The following GDAP1 variants were observed in gnomAD, a reference collection of about 807,000 sequenced individuals.
The protein encoded by GDAP1 is ganglioside induced differentiation associated protein 1, also known as ganglioside-induced differentiation-associated protein 1.
A neutral mutation model predicts 40.1 loss-of-function variants in GDAP1; 34 were observed. The ratio of observed to expected loss-of-function variants is 0.85; its 90% confidence interval spans 0.64 to 1.13. The LOEUF is 1.13. Among genes scored for constraint, GDAP1 ranks in the 50% most tolerant of loss-of-function variants. The probability of loss-of-function intolerance (pLI) is 0.00; values close to 1 mark genes in which losing one functional copy is unlikely to be tolerated. For missense variants in GDAP1, 374 were observed against 433.7 expected, an observed-to-expected ratio of 0.86 and a Z score of 1.22; for synonymous variants, 170 against 157.4, an observed-to-expected ratio of 1.08 and a Z score of -0.60.
In GDAP1 at chr8:74,365,304, TAGAA is replaced by T. The variant is rs1346807737; in HGVS notation, c.*940_*943del. 1 of 453,998 alleles carries T rather than the reference TAGAA, an allele frequency of 2.2e-6. No homozygotes were observed. Among genetic ancestry groups the T allele is most frequent in the African/African-American group, 2.0e-5 (1 of 50,002 alleles). The allele number at this position is 453,998 out of a possible 1,614,324, so 28.1% of individuals were successfully genotyped here. On this transcript the variant is annotated 3_prime_UTR_variant, in exon 6 of 6. Transcript: ENST00000220822. ...TTTATGATCATCAACAAAGACTTGT[TAGAA>T]AGGTCTAGTCTTAGCACTTGGCAGT...
At chr8:74,457,951 T>C (rs1425217020) in intron 2 of GDAP1, among the ~76,000 whole-genome samples, 2 of 152,132 alleles carry the variant, frequency 1.3e-5, no homozygotes, top group African/African-American at 2.4e-5. Context: ...TTGGAAGTAG[T>C]GTACTACTTA....
chr8:74,424,996 C>T (rs1805929310), intron 2 of GDAP1, among the ~76,000 whole-genome samples: 1 of 152,194 alleles, frequency 6.6e-6, no homozygotes, highest in African/African-American at 2.4e-5. Context: ...TCAGCATCTA[C>T]TGACTTCTTG....
intron 2 of GDAP1, among the ~76,000 whole-genome samples, chr8:74,459,456 C>G (rs950368384): frequency 5.3e-5 from 8 of 152,106 alleles, no homozygotes; most frequent in Non-Finnish European, 8.8e-5. Flanking sequence ...TTCTATAGAT[C>G]TAGTGTTTTG....
In GDAP1 at chr8:74,435,882, C is replaced by T. The variant is rs146319150; in HGVS notation, c.166-52796C>T. On this transcript the variant is annotated intron_variant, in intron 2 of 2. Coordinates refer to the GDAP1 transcript ENST00000523640. ...TGAGAGGTGCTAGTGGGTTATGAGA[C>T]CAATGGGAGAAAGTACTCCAACTTG... Among the ~76,000 whole-genome samples, 769 of 152,190 alleles carry T rather than the reference C, an allele frequency of 5.1e-3. 6 individuals are homozygous for T. Among genetic ancestry groups the T allele is most frequent in the African/African-American group, 0.018 (737 of 41,530 alleles).
intron 2 of GDAP1, among the ~76,000 whole-genome samples, chr8:74,381,255 A>C (rs1177867637): frequency 1.3e-5 from 2 of 152,174 alleles, no homozygotes; most frequent in Non-Finnish European, 2.9e-5. Context: ...ACATGTACAG[A>C]GATACATGAA....
chr8:74,350,518 G>T lies in GDAP1; in HGVS notation c.57G>T (p.Lys19Asn). 1 of 1,613,882 alleles carries T rather than the reference G, an allele frequency of 6.2e-7. No homozygotes were observed. The highest frequency in any genetic ancestry group is 1.3e-5 in the African/African-American group (1 of 75,080). Residue 19 changes from lysine to asparagine, a missense_variant, in exon 1 of 6, where the codon AAG (lysine) becomes AAT (asparagine). Physicochemically the swap from Lys to Asn is moderately conservative, Grantham distance 94 (BLOSUM62 0). Transcript: ENST00000220822. ...GCCCGCCCTTGAGGGCGGAAGGCAAGGCCGACGCGGAGGTTAAGCTCATTC... is the reference window on the plus strand; with the variant it reads ...GCCCGCCCTTGAGGGCGGAAGGCAATGCCGACGCGGAGGTTAAGCTCATTC... The part of the protein sequence containing the change: ...RGSPPLRAEG[K>N]ADAEVKLILY...
chr8:74,377,533 A>G (rs927509265), intron 2 of GDAP1, among the ~76,000 whole-genome samples: 1 of 152,220 alleles, frequency 6.6e-6, no homozygotes, highest in Non-Finnish European at 1.5e-5. Context: ...GAAACTATTA[A>G]TATACAGTCT....
At chr8:74,432,256 A>G (rs1318232164) in intron 2 of GDAP1, among the ~76,000 whole-genome samples, 1 of 152,122 alleles carries the variant, frequency 6.6e-6, no homozygotes, top group Admixed American at 6.6e-5. Flanking sequence ...CCATTCCTCA[A>G]GGTATTTTAC....
Position 74,366,119 on chromosome 8 carries a change from C to T in GDAP1, c.*1752C>T, listed in dbSNP as rs946032681. Reference sequence around the variant, plus strand: ...AGAAGTCCATGGTTAACTTTTCCTTCAATTTATATTATTCCTGAATCATAG... The same window carrying T: ...AGAAGTCCATGGTTAACTTTTCCTTTAATTTATATTATTCCTGAATCATAG... On this transcript the variant is annotated 3_prime_UTR_variant, in exon 6 of 6. Coordinates refer to ENST00000220822, the MANE Select transcript of GDAP1 (RefSeq NM_018972.4). 2.3e-6 allele frequency: 1 copy of T among 444,266 alleles called. No homozygotes were observed. Among genetic ancestry groups the T allele is most frequent in the African/African-American group, 2.0e-5 (1 of 49,240 alleles). 27.5% of individuals were successfully genotyped at this position (444,266 alleles called of 1,614,324 possible).
chr8:74,414,719 A>T lies in GDAP1; in HGVS notation c.165+63398A>T, dbSNP rs541954292. ...TACCAAAAGGTCTAACACTGATGTC[A>T]TCAGAGTCTCAGAATGAGGATAAAG... On this transcript the variant is annotated intron_variant, in intron 2 of 2. Coordinates refer to the GDAP1 transcript ENST00000523640. 1.5e-3 allele frequency among the ~76,000 whole-genome samples: 231 copies of T among 150,202 alleles called. 5 individuals are homozygous for T. The highest frequency in any genetic ancestry group is 0.01 in the South Asian group (50 of 4,824).
intron 3 of GDAP1, 29 bp from the exon 4 acceptor site, chr8:74,361,855 T>G: frequency 7.9e-7 from 1 of 1,259,240 alleles, no homozygotes; most frequent in Non-Finnish European, 1.2e-6. Context: ...GAAAATAATT[T>G]TCTGTTTCCA....
At chr8:74,447,457 C>T (rs1237547044) in intron 2 of GDAP1, among the ~76,000 whole-genome samples, 3 of 151,966 alleles carry the variant, frequency 2.0e-5, no homozygotes, top group South Asian at 2.1e-4. Context: ...GCTTCAGAAT[C>T]GGAAACTTTT....
Position 74,404,267 on chromosome 8 carries a change from A to G in GDAP1, c.165+52946A>G, listed in dbSNP as rs572914235. Among the ~76,000 whole-genome samples, 38 of 149,474 alleles carry G rather than the reference A, an allele frequency of 2.5e-4. 1 individual carries two copies. Among genetic ancestry groups the G allele is most frequent in the Non-Finnish European group, 4.1e-4 (28 of 67,996 alleles). The stretch of plus-strand genomic sequence containing the variant: ...ATAGTATTAGGTTGGTGCAAAAGTA[A>G]TTGCAGTTTTGACTATTACTTTTAA... On this transcript the variant is annotated intron_variant, in intron 2 of 2. Transcript: ENST00000523640.
At chr8:74,394,851 G>A (rs1184340735) in intron 2 of GDAP1, among the ~76,000 whole-genome samples, 1 of 152,056 alleles carries the variant, frequency 6.6e-6, no homozygotes, top group Non-Finnish European at 1.5e-5. Context: ...ACCTGGAGAG[G>A]GCCATCATGG....
At chr8:74,411,362 T>C (rs1180269958) in intron 2 of GDAP1, among the ~76,000 whole-genome samples, 1 of 149,836 alleles carries the variant, frequency 6.7e-6, no homozygotes. Flanking sequence ...ATTTTGACTC[T>C]TGATTCTGTG....
In GDAP1 at chr8:74,364,131, G is replaced by A. The variant is rs368650217; in HGVS notation, c.841G>A (p.Glu281Lys). The A allele has an allele frequency of 4.2e-5, 67 of 1,614,114 alleles. 1 individual carries two copies. In the South Asian group the frequency reaches 5.1e-4, roughly 12 times the overall value. ...GCGACCAAACTTGGAAACCTATTACGAGCGTGTCTTGAAGAGAAAAACATT... is the reference window on the plus strand; with the variant it reads ...GCGACCAAACTTGGAAACCTATTACAAGCGTGTCTTGAAGAGAAAAACATT... Reference protein sequence around the residue: ...GKRPNLETYYERVLKRKTFNK... With the variant: ...GKRPNLETYYKRVLKRKTFNK... The change falls in exon 6 of 6, where the codon GAG becomes AAG. Residue 281 changes from glutamate (E) to lysine (K), a missense_variant. Glu to Lys is a moderately conservative substitution (Grantham distance 56). Transcript: ENST00000220822.
At chr8:74,470,913 C>T (rs1210189438) in intron 2 of GDAP1, among the ~76,000 whole-genome samples, 1 of 151,952 alleles carries the variant, frequency 6.6e-6, no homozygotes, top group Non-Finnish European at 1.5e-5. Flanking sequence ...TCTCCAGCAC[C>T]TGTTTCCTGA....
intron 2 of GDAP1, among the ~76,000 whole-genome samples, chr8:74,448,821 T>C (rs1448661845): frequency 6.6e-6 from 1 of 152,120 alleles, no homozygotes; most frequent in Non-Finnish European, 1.5e-5. Flanking sequence ...GATATATGCA[T>C]TACAAGTATT....
chr8:74,364,986 G>A lies in GDAP1; in HGVS notation c.*619G>A, dbSNP rs571587555. 2.6e-4 allele frequency: 116 copies of A among 454,044 alleles called. 2 individuals carry two copies. The highest frequency in any genetic ancestry group is 1.7e-3 in the South Asian group (108 of 64,468). The allele number at this position is 454,044 out of a possible 1,614,324, so 28.1% of individuals were successfully genotyped here. On this transcript the variant is annotated 3_prime_UTR_variant, in exon 6 of 6. Coordinates refer to ENST00000220822, the MANE Select transcript of GDAP1 (RefSeq NM_018972.4). ...GATTCCTTACCATTTCAGATGGTCC[G>A]CAATTTGAATTACCAAGTGGTAATG... is the stretch of plus-strand genomic sequence containing the variant.
Sources: allele counts gnomAD v4.1 joint callset (sites outside exome capture counted in the v4.1 genomes callset), GRCh38; gene constraint gnomAD v4.1.1; transcripts MANE v1.5; gene names NCBI Gene and HGNC (gene_info 2026-07-23, HGNC 2026-07-21).